Variants in SPATA1 observed in about 807,000 individuals in gnomAD.
SPATA1 encodes spermatogenesis-associated protein 1.
In SPATA1, 57 loss-of-function variants were observed where a neutral mutation model predicts 59.6. The ratio of observed to expected loss-of-function variants is 0.96; its 90% CI spans 0.77 to 1.19. The LOEUF (loss-of-function observed/expected upper bound fraction) is 1.19. SPATA1 is among the 50% of genes most tolerant of loss of function. SPATA1 has a pLI of 0.00. For synonymous variants in SPATA1, 147 were observed against 163.9 expected, an observed-to-expected ratio of 0.90 and a Z score of 0.79; for missense variants, 448 against 480.7, an observed-to-expected ratio of 0.93 and a Z score of 0.64.
chr1:84,526,695 T>C (rs779337604), intron 6 of SPATA1, among the ~76,000 whole-genome samples: 4 of 151,704 alleles, frequency 2.6e-5, no homozygotes, highest in African/African-American at 4.8e-5. Flanking sequence ...GGCAAGACCC[T>C]GTCTCTACGA....
chr1:84,551,242 T>C, intron 12 of SPATA1: 5 of 984,982 alleles, frequency 5.1e-6, no homozygotes, highest in Non-Finnish European at 6.0e-6. Flanking sequence ...ATATGAATGC[T>C]CTCATTTCTT....
At chr1:84,527,929 C>G (rs981687482) in intron 6 of SPATA1, among the ~76,000 whole-genome samples, 1 of 152,172 alleles carries the variant, frequency 6.6e-6, no homozygotes, top group Non-Finnish European at 1.5e-5. Context: ...CAGGGTTTCA[C>G]CATGTTGGCC....
intron 4 of SPATA1, chr1:84,563,386 G>GA: frequency 6.3e-7 from 1 of 1,576,198 alleles, no homozygotes; most frequent in Non-Finnish European, 8.6e-7. Context: ...GAGCCCCCCG[G>GA]AAAGGGACTT....
chr1:84,521,709 C>G (rs1683034119), intron 3 of SPATA1, among the ~76,000 whole-genome samples: 1 of 151,884 alleles, frequency 6.6e-6, no homozygotes, highest in South Asian at 2.1e-4. Flanking sequence ...ATTAATTTTT[C>G]TATCCCACCA....
At chr1:84,522,933 C>T (rs1328823770) in intron 4 of SPATA1, among the ~76,000 whole-genome samples, 7 of 149,136 alleles carry the variant, frequency 4.7e-5, no homozygotes, top group East Asian at 2.0e-4. Flanking sequence ...TTTTCCGAGA[C>T]GGAGTCTTGC....
At chr1:84,533,806 CA>C (rs1397447795) in intron 8 of SPATA1, 40 bp downstream of exon 8, 3 of 1,199,216 alleles carry the variant, frequency 2.5e-6, no homozygotes, top group Non-Finnish European at 3.6e-6. Context: ...GGTATTGCAA[CA>C]TCATAATATT....
downstream of SPATA1, chr1:84,555,312 A>G: frequency 1.4e-6 from 1 of 714,286 alleles, no homozygotes; most frequent in African/African-American, 1.8e-5. Context: ...AAAGTTTCCT[A>G]AATCCAATTA....
chr1:84,553,019 GTA>G (rs770530864), intron 12 of SPATA1: 1 of 1,478,654 alleles, frequency 6.8e-7, no homozygotes, highest in South Asian at 1.3e-5. Flanking sequence ...TTTTTGAAAA[GTA>G]ATTCTTTTTA....
intron 2 of SPATA1, among the ~76,000 whole-genome samples, chr1:84,517,256 C>T (rs1310148012): frequency 6.6e-6 from 1 of 152,098 alleles, no homozygotes; most frequent in African/African-American, 2.4e-5. Context: ...GTCATCTTTA[C>T]TGGGCCTTCA....
intron 6 of SPATA1, among the ~76,000 whole-genome samples, chr1:84,529,532 T>C (rs1683372032): frequency 6.6e-6 from 1 of 151,600 alleles, no homozygotes; most frequent in Non-Finnish European, 1.5e-5. Context: ...AGAGAATAAA[T>C]TTATAATAAA....
intron 12 of SPATA1, chr1:84,550,838 A>C (rs1352448265): frequency 2.0e-6 from 2 of 996,716 alleles, no homozygotes; most frequent in African/African-American, 1.7e-5. Flanking sequence ...TTCCTGTATT[A>C]GAATTATTAA....
intron 4 of SPATA1, chr1:84,563,259 T>C: frequency 6.7e-7 from 1 of 1,503,534 alleles, no homozygotes; most frequent in South Asian, 1.3e-5. Flanking sequence ...AGTCTTACTT[T>C]ATAGTTATAA....
At chr1:84,529,772 C>A (rs1371887842) in intron 6 of SPATA1, among the ~76,000 whole-genome samples, 1 of 151,542 alleles carries the variant, frequency 6.6e-6, no homozygotes, top group Non-Finnish European at 1.5e-5. Flanking sequence ...AGATGGACTC[C>A]TGACCTCAGG....
chr1:84,556,075 T>C (rs1684421473), downstream of SPATA1: 1 of 152,188 alleles, frequency 6.6e-6, no homozygotes, highest in South Asian at 2.1e-4. Flanking sequence ...TGACTTAACA[T>C]ACACCTGATT....
exon 13 of SPATA1, chr1:84,553,159 T>A: frequency 1.7e-6 from 2 of 1,199,630 alleles, no homozygotes; most frequent in South Asian, 1.5e-5. Context: ...TGTAAAAAAA[T>A]TTAAATATGT....
At chr1:84,557,350 T>C (rs1684465140), downstream of SPATA1, among the ~76,000 whole-genome samples, 3 of 151,168 alleles carry the variant, frequency 2.0e-5, no homozygotes, top group South Asian at 6.3e-4. Context: ...CTGGCCAACA[T>C]GGTGAAACCC....
At position 84,536,221 on chromosome 1, in the gene SPATA1, T is replaced by G. The variant is rs143225282; in HGVS notation, c.717+2455T>G. Among the ~76,000 whole-genome samples, 238 of 152,328 alleles carry G rather than the reference T, an allele frequency of 1.6e-3. 3 individuals are homozygous for G. Among genetic ancestry groups the G allele is most frequent in the African/African-American group, 5.6e-3 (231 of 41,574 alleles). On this transcript the variant is annotated intron_variant, in intron 8 of 12. Transcript: ENST00000490879. ...ATATAACTTTAAATTGGCTCAAGTT[T>G]AATAATATGGATACACTTATCAGAG... is the stretch of plus-strand genomic sequence containing the variant.
At chr1:84,549,073 T>A in intron 11 of SPATA1, 109 bp downstream of exon 11, 1 of 1,109,536 alleles carries the variant, frequency 9.0e-7, no homozygotes, top group Non-Finnish European at 1.2e-6. Flanking sequence ...GACTTAAACT[T>A]GCTTAAAACA....
intron 11 of SPATA1, 115 bp downstream of exon 11, chr1:84,549,079 A>AGTTTAAAT: frequency 9.6e-7 from 1 of 1,041,178 alleles, no homozygotes; most frequent in South Asian, 2.9e-5. Context: ...AACTTGCTTA[A>AGTTTAAAT]AACAATAAAA....
Sources: gnomAD v4.1 joint callset for allele counts (sites outside exome capture counted in the v4.1 genomes callset) on GRCh38, gnomAD v4.1.1 for gene constraint, MANE v1.5 for transcripts, NCBI Gene and HGNC (gene_info 2026-07-23, HGNC 2026-07-21) for gene names.